Variants in ASTN1 observed in about 807,000 individuals in gnomAD.
ASTN1 encodes astrotactin 1, also known as astrotactin-1.
A neutral mutation model predicts 140.7 loss-of-function variants in ASTN1; 41 were observed. The ratio of observed to expected loss-of-function variants is 0.29; its 90% CI spans 0.23 to 0.38. ASTN1 has a LOEUF of 0.38. Among genes scored for constraint, ASTN1 ranks in the 10% least tolerant of loss-of-function variants. The pLI is 1.00. For missense variants in ASTN1, 1,479 were observed against 1,678.8 expected, an observed-to-expected ratio of 0.88 and a Z score of 2.08; for synonymous variants, 640 against 652.2, an observed-to-expected ratio of 0.98 and a Z score of 0.29.
At chr1:177,137,413 G>C (rs1207060460) in intron 1 of ASTN1, among the ~76,000 whole-genome samples, 1 of 152,204 alleles carries the variant, frequency 6.6e-6, no homozygotes, top group African/African-American at 2.4e-5. Context: ...ACAAAGAAAA[G>C]AGTTCAAGGA....
At chr1:177,003,092 T>A (rs902887245) in intron 8 of ASTN1, among the ~76,000 whole-genome samples, 1 of 152,036 alleles carries the variant, frequency 6.6e-6, no homozygotes, top group African/African-American at 2.4e-5. Flanking sequence ...CCACTGAAAC[T>A]ATTCCAAAAG....
At chr1:177,104,674 T>C (rs1404971617) in intron 1 of ASTN1, among the ~76,000 whole-genome samples, 1 of 152,190 alleles carries the variant, frequency 6.6e-6, no homozygotes, top group East Asian at 1.9e-4. Flanking sequence ...AGACCCAAGC[T>C]TTTCCTTCCC....
At chr1:177,094,615 T>C (rs1679935484) in intron 1 of ASTN1, among the ~76,000 whole-genome samples, 1 of 152,220 alleles carries the variant, frequency 6.6e-6, no homozygotes, top group Non-Finnish European at 1.5e-5. Context: ...AAATTTCTGT[T>C]GTTTATAAGC....
chr1:176,864,520 T>A lies in ASTN1; in HGVS notation c.3649A>T (p.Lys1217Ter). Residue 1217 changes from lysine (K) to a stop codon, truncating the protein, a stop_gained and splice_region_variant, in exon 23 of 23, where the codon AAA becomes TAA. Transcript: ENST00000361833. LOFTEE classifies it high-confidence loss of function. Reference sequence around the variant, plus strand: ...AGCTGGGAAAGGATGAGACCAGCTTTCCTATGGATCAAGCACAGAGGATAC... The same window carrying A: ...AGCTGGGAAAGGATGAGACCAGCTTACCTATGGATCAAGCACAGAGGATAC... ...WRCEDELGPR[K>*]AGLILSQLGD... 6.2e-7 allele frequency: 1 copy of A among 1,613,972 alleles called. No individual in the cohort carries two copies. The highest frequency in any genetic ancestry group is 8.5e-7 in the Non-Finnish European group (1 of 1,179,900).
Position 176,861,299 on chromosome 1 carries a change from A to G in ASTN1, c.*2985T>C, listed in dbSNP as rs555900437. 1.0e-6 allele frequency: 1 copy of G among 985,782 alleles called. No homozygotes were observed. Among genetic ancestry groups the G allele is most frequent in the African/African-American group, 1.7e-5 (1 of 57,338 alleles). The allele number at this position is 985,782 out of a possible 1,614,324, so 61.1% of individuals were successfully genotyped here. On this transcript the variant is annotated 3_prime_UTR_variant, in exon 23 of 23. Coordinates refer to ENST00000361833, the MANE Select transcript of ASTN1 (RefSeq NM_004319.3). ...ATGAACGGACCAAACTCCATGGAAA[A>G]CGATTGCACACTCAATTAAAAGTCT...
intron 1 of ASTN1, among the ~76,000 whole-genome samples, chr1:177,102,690 T>C (rs1023035526): frequency 3.9e-5 from 6 of 152,238 alleles, no homozygotes; most frequent in African/African-American, 9.6e-5. Context: ...TTCAGACTAA[T>C]ACTCTTTTAT....
chr1:177,141,481 G>T (rs560670597), intron 1 of ASTN1, among the ~76,000 whole-genome samples: 21 of 152,152 alleles, frequency 1.4e-4, no homozygotes, highest in African/African-American at 4.6e-4. Flanking sequence ...AAAAAAAACT[G>T]ATCTGGCAGC....
intron 16 of ASTN1, among the ~76,000 whole-genome samples, chr1:176,900,628 T>C (rs978240465): frequency 1.3e-5 from 2 of 152,228 alleles, no homozygotes; most frequent in African/African-American, 4.8e-5. Context: ...TACCAGTTGC[T>C]AACTGTGTAA....
At chr1:177,086,238 T>C (rs1315434279) in intron 1 of ASTN1, among the ~76,000 whole-genome samples, 3 of 147,164 alleles carry the variant, frequency 2.0e-5, no homozygotes, top group Non-Finnish European at 4.5e-5. Context: ...CTTTCCTCTT[T>C]CTTGTCTCTC....
chr1:176,917,380 G>A (rs147345841), intron 16 of ASTN1, among the ~76,000 whole-genome samples: 7 of 152,246 alleles, frequency 4.6e-5, no homozygotes, highest in Admixed American at 1.3e-4. Context: ...ATTTTCTTTC[G>A]TTTGCTGTCA....
Position 177,164,611 on chromosome 1 carries a change from C to A in ASTN1, c.66G>T (p.Thr22=), listed in dbSNP as rs755134545. 7.4e-6 allele frequency: 12 copies of A among 1,610,910 alleles called. No homozygotes were observed. The highest frequency in any genetic ancestry group is 2.2e-5 in the East Asian group (1 of 44,760). Residue 22 remains threonine (T), a synonymous_variant, in exon 1 of 23, where the codon ACG becomes ACT. Transcript: ENST00000361833. The part of the protein sequence containing the change: ...CCWGPAAVLA[T]AAGDVDPSKE... ...TGGATGGATCCACGTCGCCGGCGGC[C>A]GTGGCCAGCACCGCCGCCGGCCCCC...
chr1:176,868,005 T>C (rs1448851807), intron 22 of ASTN1, among the ~76,000 whole-genome samples: 2 of 152,044 alleles, frequency 1.3e-5, no homozygotes, highest in Non-Finnish European at 2.9e-5. Context: ...TCATTTTCTT[T>C]CTCATTCATT....
At position 176,861,073 on chromosome 1, in the gene ASTN1, C is replaced by G. The variant is rs1467314772; in HGVS notation, c.*3211G>C. On this transcript the variant is annotated 3_prime_UTR_variant, in exon 23 of 23. Coordinates refer to ENST00000361833, the MANE Select transcript of ASTN1 (RefSeq NM_004319.3). Reference sequence around the variant, plus strand: ...ACAACATCCACATACCCAATGCTTACTAATAGCTTTGTTTTATTATTCAGT... The same window carrying G: ...ACAACATCCACATACCCAATGCTTAGTAATAGCTTTGTTTTATTATTCAGT... The G allele has an allele frequency of 1.1e-6, 1 of 951,748 alleles. No homozygotes were observed. Among genetic ancestry groups the G allele is most frequent in the Non-Finnish European group, 1.3e-6 (1 of 799,426 alleles). The allele number at this position is 951,748 out of a possible 1,614,324, so 59.0% of individuals were successfully genotyped here.
intron 1 of ASTN1, among the ~76,000 whole-genome samples, chr1:177,109,550 C>A (rs1468797363): frequency 3.3e-5 from 5 of 151,922 alleles, no homozygotes; most frequent in African/African-American, 1.2e-4. Flanking sequence ...AAACTGTGGC[C>A]CTTAGCAGTA....
chr1:177,115,573 C>T (rs968272945), intron 1 of ASTN1, among the ~76,000 whole-genome samples: 3 of 151,738 alleles, frequency 2.0e-5, no homozygotes, highest in African/African-American at 2.4e-5. Flanking sequence ...ATGAGAATTG[C>T]TTGAACCCAG....
chr1:177,122,159 T>A (rs1368741802), intron 1 of ASTN1, among the ~76,000 whole-genome samples: 5 of 151,986 alleles, frequency 3.3e-5, no homozygotes, highest in Non-Finnish European at 7.4e-5. Context: ...TTAAAATGAG[T>A]TGCAATAAGG....
intron 1 of ASTN1, among the ~76,000 whole-genome samples, chr1:177,105,081 CT>C (rs1680488646): frequency 1.3e-5 from 2 of 152,142 alleles, no homozygotes; most frequent in South Asian, 4.1e-4. Context: ...GCCATTTGCC[CT>C]TGAACAGTGA....
At chr1:176,959,038 T>A (rs547465811) in intron 9 of ASTN1, among the ~76,000 whole-genome samples, 2 of 152,062 alleles carry the variant, frequency 1.3e-5, no homozygotes, top group African/African-American at 4.8e-5. Flanking sequence ...AGGCCCAGAT[T>A]TATTCTCTGC....
At chr1:177,121,351 G>T (rs1028367599) in intron 1 of ASTN1, among the ~76,000 whole-genome samples, 1 of 152,050 alleles carries the variant, frequency 6.6e-6, no homozygotes, top group Admixed American at 6.5e-5. Context: ...TGGAACGAGG[G>T]GCCCTGGGGA....
Sources: gnomAD v4.1 joint callset for allele counts (sites outside exome capture counted in the v4.1 genomes callset) on GRCh38, gnomAD v4.1.1 for gene constraint, MANE v1.5 for transcripts, NCBI Gene and HGNC (gene_info 2026-07-23, HGNC 2026-07-21) for gene names.